Variants in TMEM163 observed in about 807,000 individuals in gnomAD.
The protein encoded by TMEM163 is transmembrane protein 163.
TMEM163 carries 17 observed loss-of-function variants against 29.3 expected under a neutral mutation model. That is an observed-to-expected ratio of 0.58 (90% CI 0.40 to 0.87). The LOEUF is 0.87. Among genes scored for constraint, TMEM163 ranks in the 40% least tolerant of loss-of-function variants. The pLI is 0.00. For missense variants in TMEM163, 303 were observed against 381.5 expected (o/e 0.79, Z 1.71); for synonymous variants, 157 against 160.6 (o/e 0.98, Z 0.17).
chr2:134,477,636 T>C (rs1366577887), intron 5 of TMEM163, among the ~76,000 whole-genome samples: 1 of 152,234 alleles, frequency 6.6e-6, no homozygotes, highest in Non-Finnish European at 1.5e-5. Context: ...GCTTTTAAGA[T>C]AGTAATCTTC....
At chr2:134,546,954 T>C (rs1196431039) in intron 4 of TMEM163, among the ~76,000 whole-genome samples, 3 of 152,188 alleles carry the variant, frequency 2.0e-5, no homozygotes, top group African/African-American at 7.2e-5. Flanking sequence ...ACAAATACTG[T>C]ATAATTTCAT....
At chr2:134,622,911 C>T (rs572528930) in intron 2 of TMEM163, among the ~76,000 whole-genome samples, 4 of 152,140 alleles carry the variant, frequency 2.6e-5, no homozygotes, top group South Asian at 4.1e-4. Context: ...TACAGGCGTC[C>T]GCCACCACAC....
rs1460933576 is a variant in TMEM163, at chr2:134,460,274, C to T, written c.668-2101G>A. On this transcript the variant is annotated intron_variant, in intron 6 of 7. Transcript: ENST00000281924. The surrounding 1 kb of genome is among the most constrained non-coding windows in gnomAD (Gnocchi z 4.3). ...TCCAGCCACACAACCCTGCAACAGC[C>T]ATCCTGCCCTCCCCTCAGGGCCACT... Among the ~76,000 whole-genome samples the T allele has an allele frequency of 6.6e-6, 1 of 152,070 alleles. No individual in the cohort carries two copies. Among genetic ancestry groups the T allele is most frequent in the East Asian group, 1.9e-4 (1 of 5,130 alleles).
At chr2:134,605,155 C>T (rs538413221) in intron 2 of TMEM163, among the ~76,000 whole-genome samples, 9 of 148,962 alleles carry the variant, frequency 6.0e-5, no homozygotes, top group East Asian at 4.0e-4. Context: ...CCAGCCTAGG[C>T]GACAGAGTGA....
At chr2:134,500,282 G>A (rs1679669479) in intron 5 of TMEM163, among the ~76,000 whole-genome samples, 1 of 152,224 alleles carries the variant, frequency 6.6e-6, no homozygotes, top group African/African-American at 2.4e-5. Flanking sequence ...GAGGTCAGGG[G>A]CCTGGCTGTC....
intron 2 of TMEM163, among the ~76,000 whole-genome samples, chr2:134,702,366 G>C (rs1193081946): frequency 6.6e-6 from 1 of 152,172 alleles, no homozygotes; most frequent in Non-Finnish European, 1.5e-5. Flanking sequence ...ATCCAACCAG[G>C]GGAGCAGTGG....
intron 2 of TMEM163, among the ~76,000 whole-genome samples, chr2:134,631,289 A>G (rs1430785003): frequency 7.2e-5 from 11 of 152,214 alleles, no homozygotes; most frequent in Admixed American, 7.2e-4. Flanking sequence ...CTAAACCTTC[A>G]GTTTTCAGCT....
intron 2 of TMEM163, among the ~76,000 whole-genome samples, chr2:134,585,851 T>C (rs987515001): frequency 6.6e-6 from 1 of 152,234 alleles, no homozygotes; most frequent in Non-Finnish European, 1.5e-5. Flanking sequence ...TTGGAATATT[T>C]AATTAACAAA....
At chr2:134,648,871 C>G (rs1683400119) in intron 2 of TMEM163, among the ~76,000 whole-genome samples, 1 of 152,182 alleles carries the variant, frequency 6.6e-6, no homozygotes, top group South Asian at 2.1e-4. Context: ...TTCGCTTCAA[C>G]CAGAAGTAAA....
intron 2 of TMEM163, among the ~76,000 whole-genome samples, chr2:134,676,188 C>G (rs950040446): frequency 1.3e-5 from 2 of 152,166 alleles, no homozygotes; most frequent in Non-Finnish European, 2.9e-5. Flanking sequence ...CTCCCCATTG[C>G]CAATTTCAAG....
chr2:134,665,417 A>C (rs1345893830), intron 2 of TMEM163, among the ~76,000 whole-genome samples: 1 of 152,106 alleles, frequency 6.6e-6, no homozygotes, highest in Admixed American at 6.5e-5. Flanking sequence ...GCACGGGAAA[A>C]CATGCCTCCA....
intron 2 of TMEM163, among the ~76,000 whole-genome samples, chr2:134,586,672 A>G (rs1681829997): frequency 6.6e-6 from 1 of 152,234 alleles, no homozygotes; most frequent in African/African-American, 2.4e-5. Context: ...AACCCATGAC[A>G]GAGCTGTTGA....
chr2:134,555,849 C>T (rs1558944050), intron 2 of TMEM163, among the ~76,000 whole-genome samples: 1 of 152,222 alleles, frequency 6.6e-6, no homozygotes, highest in Admixed American at 6.5e-5. Context: ...TGATTCTCCT[C>T]TGGGAATGGC....
In TMEM163 at chr2:134,675,993, C is replaced by T. The variant is rs115932018; in HGVS notation, c.322+37207G>A. Among the ~76,000 whole-genome samples, 993 of 152,240 alleles carry T rather than the reference C, an allele frequency of 6.5e-3. 17 individuals carry two copies. Among genetic ancestry groups the T allele is most frequent in the African/African-American group, 0.023 (956 of 41,540 alleles). On this transcript the variant is annotated intron_variant, in intron 2 of 7. Coordinates refer to ENST00000281924, the MANE Select transcript of TMEM163 (RefSeq NM_030923.5). ...ACAGTCAGCCCTCCTGAGCACCCCA[C>T]CCCACATCAAGACAGTTCTCCTAAG...
chr2:134,508,167 C>T lies in TMEM163; in HGVS notation c.459-5170G>A, dbSNP rs569440646. On this transcript the variant is annotated intron_variant, in intron 4 of 7. Coordinates refer to ENST00000281924, the MANE Select transcript of TMEM163 (RefSeq NM_030923.5). ...GGCCTGTGGCTCACATTAAAATTGC[C>T]TGAGTCCTAGCCTACCAATTCTAGG... Among the ~76,000 whole-genome samples the T allele has an allele frequency of 4.6e-5, 7 of 152,310 alleles. No individual in the cohort carries two copies. The East Asian group carries it at 9.6e-4, about 21-fold the overall frequency.
chr2:134,488,913 A>G (rs1679371194), intron 5 of TMEM163, among the ~76,000 whole-genome samples: 1 of 152,228 alleles, frequency 6.6e-6, no homozygotes, highest in African/African-American at 2.4e-5. Flanking sequence ...GCAAATTAAA[A>G]TGAGATACCA....
At chr2:134,547,340 G>C (rs1241852014) in intron 4 of TMEM163, among the ~76,000 whole-genome samples, 1 of 152,104 alleles carries the variant, frequency 6.6e-6, no homozygotes, top group African/African-American at 2.4e-5. Flanking sequence ...CCACAGTAGG[G>C]ATACACAGTC....
intron 2 of TMEM163, among the ~76,000 whole-genome samples, chr2:134,667,726 T>C (rs1332876064): frequency 1.4e-4 from 21 of 152,236 alleles, no homozygotes; most frequent in Non-Finnish European, 1.5e-5. Context: ...TAACACTGTA[T>C]GGATTTTCCC....
At chr2:134,584,295 A>G (rs1681761579) in intron 2 of TMEM163, among the ~76,000 whole-genome samples, 1 of 152,238 alleles carries the variant, frequency 6.6e-6, no homozygotes, top group Non-Finnish European at 1.5e-5. Flanking sequence ...CGCTGCCAAG[A>G]GACGGCTGCA....
Sources: allele counts gnomAD v4.1 joint callset (sites outside exome capture counted in the v4.1 genomes callset), GRCh38; gene constraint gnomAD v4.1.1; non-coding constraint Gnocchi (gnomAD v3.1); transcripts MANE v1.5; gene names NCBI Gene and HGNC (gene_info 2026-07-23, HGNC 2026-07-21).